The following C20orf202 variants were observed in gnomAD, a reference collection of about 807,000 sequenced individuals.
C20orf202 encodes the protein chromosome 20 open reading frame 202.
A neutral mutation model predicts 5.3 loss-of-function variants in C20orf202; 5 were observed. The ratio of observed to expected loss-of-function variants is 0.94; its 90% CI spans 0.49 to 1.98. The LOEUF is 1.98. Among genes scored for constraint, C20orf202 ranks in the 30% most tolerant of loss-of-function variants. C20orf202 has a pLI of 0.01. For synonymous variants in C20orf202, 48 were observed against 50.0 expected, an observed-to-expected ratio of 0.96 and a Z score of 0.16; for missense variants, 135 against 123.5, an observed-to-expected ratio of 1.09 and a Z score of -0.44.
In C20orf202 at chr20:1,207,064, C is replaced by G; in HGVS notation, c.262C>G (p.Leu88Val). The change falls in exon 2 of 2, where the codon CTC (leucine) becomes GTC (valine). Residue 88 changes from leucine to valine, a missense_variant. Leu to Val is a conservative substitution (Grantham distance 32). Coordinates refer to ENST00000400633, the MANE Select transcript of C20orf202 (RefSeq NM_001394958.1). ...PVCSRGLAQL[L>V]RGEDSRRSSL... ...TTGCTCAAGGGGTCTGGCCCAGCTCCTCCGAGGGGAAGACAGCAGACGAAG... is the reference window on the plus strand; with the variant it reads ...TTGCTCAAGGGGTCTGGCCCAGCTCGTCCGAGGGGAAGACAGCAGACGAAG... The G allele has an allele frequency of 6.5e-7, 1 of 1,529,892 alleles. No homozygotes were observed. 94.8% of individuals were successfully genotyped at this position (1,529,892 alleles called of 1,614,324 possible). A position where few individuals can be genotyped will look rare whatever the true frequency, so the allele number is the denominator to read the frequency against.
chr20:1,206,985 G>C lies in C20orf202; in HGVS notation c.183G>C (p.Gly61=). 1 of 1,551,676 alleles carries C rather than the reference G, an allele frequency of 6.4e-7. No individual in the cohort carries two copies. The highest frequency in any genetic ancestry group is 8.7e-7 in the Non-Finnish European group (1 of 1,146,932). ...GGGAGGACGCCAGGTCCAGCGGAGG[G>C]ACATCCCCCATCAGAGCTCGAGCGG... The part of the protein sequence containing the change: ...AHWEDARSSG[G]TSPIRARAGS... Residue 61 remains glycine (G), a synonymous_variant, in exon 2 of 2, where the codon GGG becomes GGC. Coordinates refer to ENST00000400633, the MANE Select transcript of C20orf202 (RefSeq NM_001394958.1).
rs1289925219 is a variant in C20orf202, at chr20:1,206,922, CA to C, written c.121del (p.Ser41ValfsTer137). On this transcript the variant is annotated frameshift_variant, in exon 2 of 2. Transcript: ENST00000400633. LOFTEE classifies it low-confidence loss of function (END_TRUNC). ...TCCTGCTCACACTGAGGCATCTTCA[CA>C]GTGTCCTGGAGGAGCTGCGTGCGGA... ...SLLLTLRHLH[S>X]VLEELRADSA... 1.9e-6 allele frequency: 3 copies of C among 1,551,274 alleles called. No individual in the cohort carries two copies. The highest frequency in any genetic ancestry group is 3.9e-5 in the Admixed American group (2 of 51,018).
Position 1,208,447 on chromosome 20 carries a change from G to A in C20orf202, c.*1345G>A, listed in dbSNP as rs1346451624. On this transcript the variant is annotated 3_prime_UTR_variant, in exon 2 of 2. Transcript: ENST00000400633. ...AGATCAACCTGTGATTTTTGTATTT[G>A]GTAATATAAATGATACCTGCTCTGT... Among the ~76,000 whole-genome samples the A allele has an allele frequency of 6.6e-6, 1 of 152,142 alleles. No homozygotes were observed. Among genetic ancestry groups the A allele is most frequent in the African/African-American group, 2.4e-5 (1 of 41,436 alleles).
chr20:1,204,556 G>T (rs753445823), intron 1 of C20orf202, among the ~76,000 whole-genome samples: 23 of 152,310 alleles, frequency 1.5e-4, no homozygotes, highest in South Asian at 4.1e-4. Context: ...CTCCAAGTCC[G>T]AAAAAAGAGG....
rs2087144332 is a variant in C20orf202 at position 1,208,956 on chromosome 20, G to A, written c.*1854G>A. Among the ~76,000 whole-genome samples, 1 of 152,136 alleles carries A rather than the reference G, an allele frequency of 6.6e-6. No individual in the cohort carries two copies. ...CTCTTTTCTTTGTTCCCTCAGCCCT[G>A]GAGATGGCAGATGCTTGCTGCAATT... is the stretch of plus-strand genomic sequence containing the variant. On this transcript the variant is annotated 3_prime_UTR_variant, in exon 2 of 2. Coordinates refer to ENST00000400633, the MANE Select transcript of C20orf202 (RefSeq NM_001394958.1).
chr20:1,206,342 CAA>C (rs1273354178), intron 1 of C20orf202, among the ~76,000 whole-genome samples: 2 of 152,108 alleles, frequency 1.3e-5, no homozygotes, highest in African/African-American at 2.4e-5. Context: ...AAAATAATAA[CAA>C]ATTCATAATA....
At chr20:1,206,774 T>C (rs979962526) in intron 1 of C20orf202, 95 bp from the exon 2 acceptor site, 1 of 758,438 alleles carries the variant, frequency 1.3e-6, no homozygotes, top group East Asian at 2.8e-5. Context: ...GAATCACAAG[T>C]GGGCTGGTCT....
chr20:1,205,668 G>A (rs1341181102), intron 1 of C20orf202, among the ~76,000 whole-genome samples: 1 of 152,198 alleles, frequency 6.6e-6, no homozygotes, highest in Non-Finnish European at 1.5e-5. Context: ...GCTGCCTCTG[G>A]AGAAGGACGC....
At position 1,206,961 on chromosome 20, in the gene C20orf202, G is replaced by C. The variant is rs1414560063; in HGVS notation, c.159G>C (p.Trp53Cys). The change falls in exon 2 of 2, where the codon TGG (tryptophan) becomes TGC (cysteine). Residue 53 changes from tryptophan (W) to cysteine (C), a missense_variant. Transcript: ENST00000400633. ...AGCTGCGTGCGGACAGCGCCCACTGGGAGGACGCCAGGTCCAGCGGAGGGA... is the reference window on the plus strand; with the variant it reads ...AGCTGCGTGCGGACAGCGCCCACTGCGAGGACGCCAGGTCCAGCGGAGGGA... ...LEELRADSAH[W>C]EDARSSGGTS... The C allele has an allele frequency of 6.4e-7, 1 of 1,551,722 alleles. No homozygotes were observed. Among genetic ancestry groups the C allele is most frequent in the South Asian group, 1.2e-5 (1 of 84,054 alleles).
In C20orf202 at chr20:1,207,874, T is replaced by C. The variant is rs1020617693; in HGVS notation, c.*772T>C. On this transcript the variant is annotated 3_prime_UTR_variant, in exon 2 of 2. Coordinates refer to ENST00000400633, the MANE Select transcript of C20orf202 (RefSeq NM_001394958.1). Reference sequence around the variant, plus strand: ...ACAGATGGACAGAGAGGAAGAGCGCTGGCTCTTTTTGGTCCCTGGTTTTAG... The same window carrying C: ...ACAGATGGACAGAGAGGAAGAGCGCCGGCTCTTTTTGGTCCCTGGTTTTAG... 1.3e-5 allele frequency: 2 copies of C among 152,000 alleles called. No individual in the cohort carries two copies. Among genetic ancestry groups the C allele is most frequent in the African/African-American group, 4.8e-5 (2 of 41,370 alleles). 9.4% of individuals were successfully genotyped at this position (152,000 alleles called of 1,614,324 possible). A position where few individuals can be genotyped will look rare whatever the true frequency, so the allele number is the denominator to read the frequency against.
chr20:1,205,106 CTT>C (rs55977318), intron 1 of C20orf202, among the ~76,000 whole-genome samples: 79 of 134,190 alleles, frequency 5.9e-4, no homozygotes, highest in African/African-American at 6.7e-4. Flanking sequence ...CACGTCTTTC[CTT>C]TTTTTTTTTT....
Position 1,206,864 on chromosome 20 carries a change from C to G in C20orf202, c.67-5C>G. The G allele has an allele frequency of 2.0e-6, 3 of 1,526,372 alleles. No homozygotes were observed. Among genetic ancestry groups the G allele is most frequent in the Non-Finnish European group, 2.7e-6 (3 of 1,128,968 alleles). The allele number at this position is 1,526,372 out of a possible 1,614,324, so 94.6% of individuals were successfully genotyped here. A position where few individuals can be genotyped will look rare whatever the true frequency, so the allele number is the denominator to read the frequency against. Reference sequence around the variant, plus strand: ...ATCCCCTCACAGGCTCCTTCTCTCTCCTAGTCTGAGATGCAGATTCAAGAT... The same window carrying G: ...ATCCCCTCACAGGCTCCTTCTCTCTGCTAGTCTGAGATGCAGATTCAAGAT... On this transcript the variant is annotated splice_region_variant and splice_polypyrimidine_tract_variant and intron_variant, in intron 1 of 1. Coordinates refer to ENST00000400633, the MANE Select transcript of C20orf202 (RefSeq NM_001394958.1).
intron 1 of C20orf202, among the ~76,000 whole-genome samples, chr20:1,206,078 CAGAA>C (rs2087130453): frequency 6.6e-6 from 1 of 151,694 alleles, no homozygotes; most frequent in African/African-American, 2.4e-5. Context: ...AATAAATAAA[CAGAA>C]AGAAAAAGAG....
Position 1,206,859 on chromosome 20 carries a change from T to G in C20orf202, c.67-10T>G. On this transcript the variant is annotated splice_polypyrimidine_tract_variant and intron_variant, in intron 1 of 1. Coordinates refer to ENST00000400633, the MANE Select transcript of C20orf202 (RefSeq NM_001394958.1). ...CACGCATCCCCTCACAGGCTCCTTC[T>G]CTCTCCTAGTCTGAGATGCAGATTC... is the stretch of plus-strand genomic sequence containing the variant. 1 of 1,504,662 alleles carries G rather than the reference T, an allele frequency of 6.6e-7. No individual in the cohort carries two copies. Among genetic ancestry groups the G allele is most frequent in the Non-Finnish European group, 9.0e-7 (1 of 1,114,018 alleles). 93.2% of individuals were successfully genotyped at this position (1,504,662 alleles called of 1,614,324 possible). A position where few individuals can be genotyped will look rare whatever the true frequency, so the allele number is the denominator to read the frequency against.
intron 1 of C20orf202, among the ~76,000 whole-genome samples, chr20:1,205,469 T>C (rs1275789292): frequency 6.6e-6 from 1 of 152,206 alleles, no homozygotes; most frequent in East Asian, 1.9e-4. Context: ...GAGTAGAGGA[T>C]GCAGACTTGG....
rs1359475007 is a variant in C20orf202, at chr20:1,203,605, C to G, written c.20C>G (p.Pro7Arg). The stretch of plus-strand genomic sequence containing the variant: ...ACTGAGATGAAAATAGCAGAAGAGC[C>G]CAGCCCGAGTCTTGGGCAGACCTTG... MKIAEE[P>R]SPSLGQTLEW... is the part of the protein sequence containing the mutation. Residue 7 changes from proline to arginine, a missense_variant, in exon 1 of 2, where the codon CCC becomes CGC. Coordinates refer to ENST00000400633, the MANE Select transcript of C20orf202 (RefSeq NM_001394958.1). 19 of 1,551,406 alleles carry G rather than the reference C, an allele frequency of 1.2e-5. No individual in the cohort carries two copies. The highest frequency in any genetic ancestry group is 1.7e-5 in the Non-Finnish European group (19 of 1,146,902).
At chr20:1,205,351 G>A (rs2087127378) in intron 1 of C20orf202, among the ~76,000 whole-genome samples, 1 of 152,010 alleles carries the variant, frequency 6.6e-6, no homozygotes, top group African/African-American at 2.4e-5. Context: ...CAGGCAATCT[G>A]CCCACCTCGG....
intron 1 of C20orf202, among the ~76,000 whole-genome samples, chr20:1,206,207 C>T (rs1177500503): frequency 6.6e-6 from 1 of 152,064 alleles, no homozygotes; most frequent in Non-Finnish European, 1.5e-5. Context: ...CTTAGGAACC[C>T]TTTATGCCCC....
Position 1,207,012 on chromosome 20 carries a change from C to CT in C20orf202, c.211dup (p.Ser71PhefsTer35), listed in dbSNP as rs1318142162. On this transcript the variant is annotated frameshift_variant, in exon 2 of 2. Coordinates refer to ENST00000400633, the MANE Select transcript of C20orf202 (RefSeq NM_001394958.1). LOFTEE classifies it low-confidence loss of function (END_TRUNC). Reference sequence around the variant, plus strand: ...CATCCCCCATCAGAGCTCGAGCGGGCTCCGAAGGCAGGGGCTGCCAGCCGG... The same window carrying CT: ...CATCCCCCATCAGAGCTCGAGCGGGCTTCCGAAGGCAGGGGCTGCCAGCCGG... The CT allele has an allele frequency of 6.4e-7, 1 of 1,550,902 alleles. No homozygotes were observed. Among genetic ancestry groups the CT allele is most frequent in the South Asian group, 1.2e-5 (1 of 83,968 alleles).
Sources: gnomAD v4.1 joint callset for allele counts (sites outside exome capture counted in the v4.1 genomes callset) on GRCh38, gnomAD v4.1.1 for gene constraint, MANE v1.5 for transcripts, NCBI Gene and HGNC (gene_info 2026-07-23, HGNC 2026-07-21) for gene names.